The following ISL1 variants were observed in gnomAD, a reference collection of about 807,000 sequenced individuals.
The protein encoded by ISL1 is ISL LIM homeobox 1, also known as insulin gene enhancer protein ISL-1.
A neutral mutation model predicts 35.3 loss-of-function variants in ISL1; 4 were observed. The observed-to-expected ratio is 0.11, with a 90% CI of 0.06 to 0.26. The LOEUF (loss-of-function observed/expected upper bound fraction) is 0.26, where lower values mean the gene tolerates loss of function less well. Ranked by LOEUF, ISL1 falls within the 10% of genes least tolerant of loss-of-function variation. The probability of loss-of-function intolerance (pLI) is 1.00; values close to 1 mark genes in which losing one functional copy is unlikely to be tolerated. For missense variants in ISL1, 340 were observed against 472.8 expected (o/e 0.72, Z 2.60); for synonymous variants, 186 against 172.3 (o/e 1.08, Z -0.62).
chr5:51,394,729 AAC>A, exon 6 of ISL1: 1 of 152,662 alleles, frequency 6.6e-6, no homozygotes, highest in Non-Finnish European at 1.5e-5. Context: ...TAAATAAATA[AAC>A]ACAGTGATCC....
In ISL1 at chr5:51,389,515, A is replaced by G; in HGVS notation, c.479-131A>G. The G allele has an allele frequency of 5.4e-6, 4 of 741,898 alleles. No homozygotes were observed. Among genetic ancestry groups the G allele is most frequent in the Non-Finnish European group, 7.6e-6 (4 of 528,462 alleles). 46.0% of individuals were successfully genotyped at this position (741,898 alleles called of 1,614,324 possible). ...GCTGCAAACCCTAGCCATTGTCCTGAGTATCTCGGGCGGGCGAGCAAGTAA... is the reference window on the plus strand; with the variant it reads ...GCTGCAAACCCTAGCCATTGTCCTGGGTATCTCGGGCGGGCGAGCAAGTAA... On this transcript the variant is annotated intron_variant, in intron 3 of 5. Transcript: ENST00000230658. This position sits in a 1 kb window ranked among gnomAD's most constrained non-coding sequence, Gnocchi z 5.0.
At chr5:51,386,997 T>A (rs991167323) in intron 2 of ISL1, among the ~76,000 whole-genome samples, 1 of 152,114 alleles carries the variant, frequency 6.6e-6, no homozygotes, top group African/African-American at 2.4e-5. Flanking sequence ...GAAGGAGGAC[T>A]TTTTGTTGCA....
chr5:51,390,646 T>TCTTTC (rs1747487605), intron 4 of ISL1, among the ~76,000 whole-genome samples: 1 of 28,384 alleles, frequency 3.5e-5, no homozygotes, highest in Non-Finnish European at 7.1e-5. Flanking sequence ...CTTTTTCTTT[T>TCTTTC]TTTTTTTTTT....
rs1747595949 is a variant in ISL1 at position 51,394,621 on chromosome 5, A to G, written c.*1011A>G. The G allele has an allele frequency of 6.6e-6, 1 of 152,590 alleles. No homozygotes were observed. Among genetic ancestry groups the G allele is most frequent in the Admixed American group, 6.6e-5 (1 of 15,262 alleles). The allele number at this position is 152,590 out of a possible 1,614,324, so 9.5% of individuals were successfully genotyped here. On this transcript the variant is annotated 3_prime_UTR_variant, in exon 6 of 6. Transcript: ENST00000230658. ...GTCTTTGAATTATATGTCTAATTCT[A>G]TGTGTTTTGTCTTTTTCTTAAATAT...
chr5:51,391,227 A>G (rs1407110753), intron 4 of ISL1, 47 bp from the exon 5 acceptor site: 1 of 1,599,582 alleles, frequency 6.3e-7, no homozygotes, highest in African/African-American at 1.3e-5. Flanking sequence ...GGAGGGAGGG[A>G]ATTTGCTCAT....
chr5:51,384,474 A>G, intron 1 of ISL1, 67 bp from the exon 2 acceptor site: 1 of 1,446,396 alleles, frequency 6.9e-7, no homozygotes, highest in Non-Finnish European at 9.7e-7. Flanking sequence ...AGAGAACGAC[A>G]CTAAAAGTGT....
chr5:51,383,497 A>G lies in ISL1; in HGVS notation c.-175A>G. On this transcript the variant is annotated 5_prime_UTR_variant, in exon 1 of 6. Coordinates refer to ENST00000230658, the MANE Select transcript of ISL1 (RefSeq NM_002202.3). ...CCGCTCCGCCAACTCCGCCGGCTTAAATTGGACTCCTAGATCCGCGAGGGC... is the reference window on the plus strand; with the variant it reads ...CCGCTCCGCCAACTCCGCCGGCTTAGATTGGACTCCTAGATCCGCGAGGGC... 1.5e-6 allele frequency: 1 copy of G among 665,482 alleles called. No individual in the cohort carries two copies. The highest frequency in any genetic ancestry group is 2.7e-5 in the East Asian group (1 of 37,372). 41.2% of individuals were successfully genotyped at this position (665,482 alleles called of 1,614,324 possible).
In ISL1 at chr5:51,384,060, A is replaced by G. The variant is rs571338770; in HGVS notation, c.28+361A>G. Among the ~76,000 whole-genome samples the G allele has an allele frequency of 5.4e-4, 83 of 152,314 alleles. No individual in the cohort carries two copies. In the South Asian group the frequency reaches 8.1e-3, roughly 15 times the overall value. On this transcript the variant is annotated intron_variant, in intron 1 of 5. Transcript: ENST00000230658. ...TGTGAATTAGCATTAGACTTGCAAAAGAGAACGAGTGACAACTGTATTTAT... is the reference window on the plus strand; with the variant it reads ...TGTGAATTAGCATTAGACTTGCAAAGGAGAACGAGTGACAACTGTATTTAT...
In ISL1 at chr5:51,389,609, C is replaced by T; in HGVS notation, c.479-37C>T. On this transcript the variant is annotated intron_variant, in intron 3 of 5. Coordinates refer to ENST00000230658, the MANE Select transcript of ISL1 (RefSeq NM_002202.3). The surrounding 1 kb of genome is among the most constrained non-coding windows in gnomAD (Gnocchi z 5.0). ...ACCGCGGGCGGGCCGGCAAGCGAGC[C>T]TCCAGCCCAGCGCTCACGGCGCTCC... The T allele has an allele frequency of 6.4e-7, 1 of 1,569,938 alleles. No individual in the cohort carries two copies. Among genetic ancestry groups the T allele is most frequent in the Non-Finnish European group, 8.6e-7 (1 of 1,163,104 alleles).
rs963211922 is a variant in ISL1, at chr5:51,389,253, A to G, written c.479-393A>G. 4.6e-5 allele frequency among the ~76,000 whole-genome samples: 7 copies of G among 152,068 alleles called. No homozygotes were observed. The highest frequency in any genetic ancestry group is 1.7e-4 in the African/African-American group (7 of 41,428). ...ACTGGGGCCCAGTCTGGGCACAAGG[A>G]AAGGTGAGAATGGAGGAGAAACAGT... On this transcript the variant is annotated intron_variant, in intron 3 of 5. Transcript: ENST00000230658. This position sits in a 1 kb window ranked among gnomAD's most constrained non-coding sequence, Gnocchi z 5.0.
In ISL1 at chr5:51,387,125, G is replaced by A. The variant is rs1187793953; in HGVS notation, c.219-365G>A. ...CCAAGATCTGCAAGATCAACACTGG[G>A]ATTGATTGCTAGAGCAGCAGCCCGA... On this transcript the variant is annotated intron_variant, in intron 2 of 5. Transcript: ENST00000230658. This position sits in a 1 kb window ranked among gnomAD's most constrained non-coding sequence, Gnocchi z 4.3. Among the ~76,000 whole-genome samples, 2 of 152,114 alleles carry A rather than the reference G, an allele frequency of 1.3e-5. No individual in the cohort carries two copies. Among genetic ancestry groups the A allele is most frequent in the Admixed American group, 6.5e-5 (1 of 15,276 alleles).
In ISL1 at chr5:51,389,575, G is replaced by T; in HGVS notation, c.479-71G>T. On this transcript the variant is annotated intron_variant, in intron 3 of 5. Coordinates refer to ENST00000230658, the MANE Select transcript of ISL1 (RefSeq NM_002202.3). The surrounding 1 kb of genome is among the most constrained non-coding windows in gnomAD (Gnocchi z 5.0). ...CGGGCGGGCAAGCGAGCGAGCGAGC[G>T]AGCGCGCGACCGCGGGCGGGCCGGC... The T allele has an allele frequency of 3.0e-6, 4 of 1,342,954 alleles. No individual in the cohort carries two copies. The highest frequency in any genetic ancestry group is 3.8e-6 in the Non-Finnish European group (4 of 1,046,200). The allele number at this position is 1,342,954 out of a possible 1,614,324, so 83.2% of individuals were successfully genotyped here. A position where few individuals can be genotyped will look rare whatever the true frequency, so the allele number is the denominator to read the frequency against.
chr5:51,384,793 G>A, intron 2 of ISL1, 63 bp downstream of exon 2: 2 of 1,449,674 alleles, frequency 1.4e-6, no homozygotes, highest in South Asian at 1.1e-5. Flanking sequence ...CACTCTTTAT[G>A]TATTATTTGG....
rs1010980120 is a variant in ISL1 at position 51,383,865 on chromosome 5, C to A, written c.28+166C>A. Among the ~76,000 whole-genome samples, 6 of 152,098 alleles carry A rather than the reference C, an allele frequency of 3.9e-5. No individual in the cohort carries two copies. In the East Asian group the frequency reaches 9.7e-4, roughly 24 times the overall value. On this transcript the variant is annotated intron_variant, in intron 1 of 5. Transcript: ENST00000230658. ...GCCGCCACGCCTGCATGCTTACTGT[C>A]GGTTCTTATCTTCGGGAAACTGATT... is the stretch of plus-strand genomic sequence containing the variant.
chr5:51,389,763 G>T lies in ISL1; in HGVS notation c.596G>T (p.Cys199Phe). 6.2e-7 allele frequency: 1 copy of T among 1,614,212 alleles called. No homozygotes were observed. Among genetic ancestry groups the T allele is most frequent in the South Asian group, 1.1e-5 (1 of 91,086 alleles). Residue 199 changes from cysteine to phenylalanine, a missense_variant, in exon 4 of 6, where the codon TGC becomes TTC. Transcript: ENST00000230658. This position sits in a 1 kb window ranked among gnomAD's most constrained non-coding sequence, Gnocchi z 5.0. ...NEKQLHTLRT[C>F]YAANPRPDAL... ...AAGCAGCTGCACACCTTGCGGACCT[G>T]CTACGCCGCAAACCCGCGGCCAGAT...
rs745868760 is a variant in ISL1 at position 51,389,782 on chromosome 5, G to A, written c.615G>A (p.Arg205=). The change falls in exon 4 of 6, where the codon CGG becomes CGA. Residue 205 remains arginine (R), a synonymous_variant. Transcript: ENST00000230658. This position sits in a 1 kb window ranked among gnomAD's most constrained non-coding sequence, Gnocchi z 5.0. ...TLRTCYAANP[R]PDALMKEQLV... ...GGACCTGCTACGCCGCAAACCCGCG[G>A]CCAGATGCGCTCATGAAGGAGCAAC... The A allele has an allele frequency of 5.6e-6, 9 of 1,614,224 alleles. 1 individual carries two copies. In the South Asian group the frequency reaches 9.9e-5, roughly 18 times the overall value.
At position 51,389,970 on chromosome 5, in the gene ISL1, G is replaced by A; in HGVS notation, c.765+38G>A. On this transcript the variant is annotated intron_variant, in intron 4 of 5. Transcript: ENST00000230658. This position sits in a 1 kb window ranked among gnomAD's most constrained non-coding sequence, Gnocchi z 5.0. ...GGGGCCGGGCAGGGAATGCGAGGGG[G>A]AAGGAGACGCAGCGTGCGAGGTGCG... is the stretch of plus-strand genomic sequence containing the variant. 1.2e-6 allele frequency: 2 copies of A among 1,606,344 alleles called. No individual in the cohort carries two copies. Among genetic ancestry groups the A allele is most frequent in the Non-Finnish European group, 1.7e-6 (2 of 1,174,528 alleles).
intron 5 of ISL1, among the ~76,000 whole-genome samples, chr5:51,392,126 A>C (rs1386711461): frequency 6.6e-6 from 1 of 152,178 alleles, no homozygotes; most frequent in Admixed American, 6.5e-5. Context: ...ATGTATAGCA[A>C]AAGGGACATG....
intron 4 of ISL1, among the ~76,000 whole-genome samples, chr5:51,390,636 C>CCTTTTTTTTT (rs1747475980): frequency 1.3e-4 from 10 of 74,324 alleles, no homozygotes; most frequent in African/African-American, 3.8e-4. Context: ...TCTTTTCTTT[C>CCTTTTTTTTT]TTTTTCTTTT....
Sources: gnomAD v4.1 joint callset for allele counts (sites outside exome capture counted in the v4.1 genomes callset) on GRCh38, gnomAD v4.1.1 for gene constraint, Gnocchi (gnomAD v3.1) non-coding constraint, MANE v1.5 for transcripts, NCBI Gene and HGNC (gene_info 2026-07-23, HGNC 2026-07-21) for gene names.